SCN8A: variants seen among roughly 807,000 people sequenced by gnomAD.
The protein encoded by SCN8A is sodium channel protein type 8 subunit alpha.
A neutral mutation model predicts 184.1 loss-of-function variants in SCN8A; 30 were observed. The ratio of observed to expected loss-of-function variants is 0.16; its 90% CI spans 0.12 to 0.22. The LOEUF (loss-of-function observed/expected upper bound fraction) is 0.22, where lower values mean the gene tolerates loss of function less well. SCN8A is among the 10% of genes least tolerant of loss of function. The pLI is 1.00. For synonymous variants in SCN8A, 852 were observed against 907.0 expected, an observed-to-expected ratio of 0.94 and a Z score of 1.09; for missense variants, 1,057 against 2,498.9, an observed-to-expected ratio of 0.42 and a Z score of 12.30.
rs546944945 is a variant in SCN8A at position 51,601,052 on chromosome 12, C to T, written c.-55+9693C>T. On this transcript the variant is annotated intron_variant, in intron 1 of 26. Coordinates refer to ENST00000627620, the MANE Select transcript of SCN8A (RefSeq NM_001330260.2). ...CTATTAGGAGATTCTCTGTGCAATC[C>T]CATTATAAGTGCATACCTTTCTCCT... Among the ~76,000 whole-genome samples, 13 of 152,048 alleles carry T rather than the reference C, an allele frequency of 8.5e-5. No individual in the cohort carries two copies. The South Asian group carries it at 2.1e-3, about 24-fold the overall frequency.
Position 51,810,384 on chromosome 12 carries a change from C to G in SCN8A, c.*2955C>G, listed in dbSNP as rs1021813455. ...ATGACACCATCACCAGCAGTTTACA[C>G]CCGCAGTTAACAGGCATCGAACTGA... On this transcript the variant is annotated 3_prime_UTR_variant, in exon 27 of 27. Coordinates refer to ENST00000627620, the MANE Select transcript of SCN8A (RefSeq NM_001330260.2). 1 of 449,216 alleles carries G rather than the reference C, an allele frequency of 2.2e-6. No homozygotes were observed. The highest frequency in any genetic ancestry group is 4.5e-6 in the Non-Finnish European group (1 of 223,880). 27.8% of individuals were successfully genotyped at this position (449,216 alleles called of 1,614,324 possible).
At chr12:51,779,472 G>T (rs1937827228) in intron 20 of SCN8A, among the ~76,000 whole-genome samples, 1 of 152,170 alleles carries the variant, frequency 6.6e-6, no homozygotes. Context: ...CTGGAGGTCT[G>T]CAGGCTTCTT....
intron 6 of SCN8A, among the ~76,000 whole-genome samples, chr12:51,690,311 G>A (rs982704178): frequency 3.3e-5 from 5 of 152,234 alleles, no homozygotes; most frequent in South Asian, 2.1e-4. Context: ...TTCCTATTAC[G>A]TGGCTCTTCC....
In SCN8A at chr12:51,782,764, G is replaced by A. The variant is rs931001225; in HGVS notation, c.3942+1993G>A. Among the ~76,000 whole-genome samples the A allele has an allele frequency of 1.1e-4, 17 of 152,226 alleles. No individual in the cohort carries two copies. The South Asian group carries it at 1.4e-3, about 13-fold the overall frequency. On this transcript the variant is annotated intron_variant, in intron 21 of 26. Coordinates refer to ENST00000627620, the MANE Select transcript of SCN8A (RefSeq NM_001330260.2). ...AGGCAGTTATTTGAATAACCTGGATGCAGGAGCCGTTTTGGGAGCCACACC... is the reference window on the plus strand; with the variant it reads ...AGGCAGTTATTTGAATAACCTGGATACAGGAGCCGTTTTGGGAGCCACACC...
At chr12:51,609,944 C>T (rs1383716343) in intron 1 of SCN8A, among the ~76,000 whole-genome samples, 2 of 151,416 alleles carry the variant, frequency 1.3e-5, no homozygotes, top group African/African-American at 4.9e-5. Context: ...GCACGTTGTG[C>T]ACATGTACCC....
At chr12:51,666,645 A>C (rs771976830) in intron 2 of SCN8A, among the ~76,000 whole-genome samples, 5 of 152,076 alleles carry the variant, frequency 3.3e-5, no homozygotes, top group Non-Finnish European at 7.3e-5. Flanking sequence ...CATAGGTCTC[A>C]TTTTCTAACT....
At chr12:51,760,084 A>G (rs1169338108) in intron 14 of SCN8A, among the ~76,000 whole-genome samples, 2 of 152,222 alleles carry the variant, frequency 1.3e-5, no homozygotes, top group Non-Finnish European at 2.9e-5. Flanking sequence ...TTGCTGCCCA[A>G]CAGTGTTGCA....
chr12:51,597,716 C>T (rs1052157661), intron 1 of SCN8A, among the ~76,000 whole-genome samples: 6 of 152,098 alleles, frequency 3.9e-5, no homozygotes, highest in African/African-American at 1.4e-4. Flanking sequence ...AAGGCTGAGC[C>T]TCTACAAGTT....
chr12:51,651,992 C>G (rs1940723779), intron 1 of SCN8A, among the ~76,000 whole-genome samples: 1 of 152,068 alleles, frequency 6.6e-6, no homozygotes, highest in Non-Finnish European at 1.5e-5. Flanking sequence ...ACTTTTTGTT[C>G]CAAACAAGAA....
chr12:51,805,252 A>G (rs1456833792), intron 26 of SCN8A, among the ~76,000 whole-genome samples: 1 of 152,128 alleles, frequency 6.6e-6, no homozygotes, highest in African/African-American at 2.4e-5. Context: ...AAATCTCAAA[A>G]ACAAGGTAGA....
At chr12:51,776,854 T>A (rs1240228170) in intron 20 of SCN8A, among the ~76,000 whole-genome samples, 1 of 152,246 alleles carries the variant, frequency 6.6e-6, no homozygotes, top group Admixed American at 6.5e-5. Flanking sequence ...CCCTAATTGA[T>A]TTTCATTCTT....
At chr12:51,609,275 C>A (rs181753160) in intron 1 of SCN8A, among the ~76,000 whole-genome samples, 6 of 152,258 alleles carry the variant, frequency 3.9e-5, no homozygotes, top group Admixed American at 6.5e-5. Flanking sequence ...TTGTTTAAAT[C>A]CGTTGTTAAA....
intron 1 of SCN8A, among the ~76,000 whole-genome samples, chr12:51,635,279 G>T (rs1171459466): frequency 6.6e-6 from 1 of 152,154 alleles, no homozygotes; most frequent in African/African-American, 2.4e-5. Context: ...CCTAATGCTG[G>T]GTTATGTGAA....
intron 2 of SCN8A, among the ~76,000 whole-genome samples, chr12:51,677,984 C>T (rs1941253889): frequency 6.6e-6 from 1 of 152,184 alleles, no homozygotes; most frequent in South Asian, 2.1e-4. Flanking sequence ...TGTAAAAACC[C>T]AAAGCTTGCT....
chr12:51,608,661 A>G (rs1939651697), intron 1 of SCN8A, among the ~76,000 whole-genome samples: 1 of 152,142 alleles, frequency 6.6e-6, no homozygotes, highest in Admixed American at 6.5e-5. Flanking sequence ...TAAAAGGTCT[A>G]TCAATTTTAT....
intron 14 of SCN8A, among the ~76,000 whole-genome samples, chr12:51,754,321 TTC>T (rs995562131): frequency 1.6e-5 from 1 of 61,674 alleles, no homozygotes; most frequent in Non-Finnish European, 4.0e-5. Flanking sequence ...TACAAAAAAC[TTC>T]TTTTTTTTTT....
At chr12:51,791,027 TA>T (rs533521172) in intron 25 of SCN8A, among the ~76,000 whole-genome samples, 47 of 152,264 alleles carry the variant, frequency 3.1e-4, no homozygotes, top group African/African-American at 1.1e-3. Flanking sequence ...TAAAACAGAT[TA>T]GGGGGCTGAG....
intron 1 of SCN8A, among the ~76,000 whole-genome samples, chr12:51,619,160 C>T (rs1939909002): frequency 6.6e-6 from 1 of 152,152 alleles, no homozygotes; most frequent in Admixed American, 6.5e-5. Flanking sequence ...ATATACCTTA[C>T]TTTTTCTCTT....
At chr12:51,629,895 A>G (rs1303463141) in intron 1 of SCN8A, among the ~76,000 whole-genome samples, 2 of 152,168 alleles carry the variant, frequency 1.3e-5, no homozygotes, top group African/African-American at 2.4e-5. Flanking sequence ...GGTTATGGCC[A>G]TGCAGAGCAC....
Sources: allele counts gnomAD v4.1 joint callset (sites outside exome capture counted in the v4.1 genomes callset), GRCh38; gene constraint gnomAD v4.1.1; transcripts MANE v1.5; gene names NCBI Gene and HGNC (gene_info 2026-07-23, HGNC 2026-07-21).